Variants in KIAA0319L observed in about 807,000 individuals in gnomAD.
KIAA0319L encodes the protein KIAA0319 like.
Under a neutral mutation model 120.1 loss-of-function variants are expected in KIAA0319L, and 55 were observed. The ratio of observed to expected loss-of-function variants is 0.46; its 90% CI spans 0.37 to 0.57. The LOEUF (loss-of-function observed/expected upper bound fraction) is 0.57, where lower values mean the gene tolerates loss of function less well. KIAA0319L is among the 20% of genes least tolerant of loss of function. KIAA0319L has a pLI of 0.00. For missense variants in KIAA0319L, 1,049 were observed against 1,255.3 expected, an observed-to-expected ratio of 0.84 and a Z score of 2.48; for synonymous variants, 398 against 471.9, an observed-to-expected ratio of 0.84 and a Z score of 2.03.
intron 20 of KIAA0319L, chr1:35,439,034 A>C (rs1641008607): frequency 6.6e-6 from 1 of 152,090 alleles, no homozygotes; most frequent in South Asian, 2.1e-4. Flanking sequence ...ATGTAAACCA[A>C]ATCCCACCAT....
At chr1:35,504,856 A>C (rs1645151528) in intron 3 of KIAA0319L, among the ~76,000 whole-genome samples, 1 of 152,158 alleles carries the variant, frequency 6.6e-6, no homozygotes, top group Non-Finnish European at 1.5e-5. Flanking sequence ...CATACCTCTC[A>C]AGACTTCTCT....
chr1:35,537,399 T>A (rs1646618511), intron 2 of KIAA0319L, among the ~76,000 whole-genome samples: 1 of 151,234 alleles, frequency 6.6e-6, no homozygotes, highest in South Asian at 2.1e-4. Flanking sequence ...TTTTTTTTTT[T>A]TTTCTGGCTT....
At chr1:35,447,304 C>T (rs1474625930) in intron 16 of KIAA0319L, among the ~76,000 whole-genome samples, 1 of 150,804 alleles carries the variant, frequency 6.6e-6, no homozygotes, top group East Asian at 2.0e-4. Flanking sequence ...AAAAACTTCA[C>T]ACACATAAAA....
rs771054832 is a variant in KIAA0319L at position 35,444,329 on chromosome 1, T to A, written c.2514-26A>T. ...CTGCAGAGACATGCAACAGTACTAA[T>A]GAGCTGAAGCGGTCCATACCTGCAG... On this transcript the variant is annotated intron_variant, in intron 16 of 20. Transcript: ENST00000325722. 1.8e-5 allele frequency: 28 copies of A among 1,572,454 alleles called. No homozygotes were observed. In the Admixed American group the frequency reaches 3.8e-4, roughly 21 times the overall value.
intron 2 of KIAA0319L, among the ~76,000 whole-genome samples, chr1:35,513,811 CA>C (rs1488431037): frequency 6.6e-6 from 1 of 152,156 alleles, no homozygotes; most frequent in African/African-American, 2.4e-5. Context: ...AAATCTCTGA[CA>C]AACGTTTCCT....
Position 35,441,039 on chromosome 1 carries a change from G to A in KIAA0319L, c.2962+8C>T. 6.2e-7 allele frequency: 1 copy of A among 1,610,952 alleles called. No homozygotes were observed. The highest frequency in any genetic ancestry group is 8.5e-7 in the Non-Finnish European group (1 of 1,177,084). On this transcript the variant is annotated splice_region_variant and intron_variant, in intron 20 of 20. Transcript: ENST00000325722. ...AGACCTAGAAGCTCTGGCACCCAGG[G>A]CCCCTACCTGCTCGGGAGGTTGGCT...
At chr1:35,553,277 C>T (rs1647429147) in intron 2 of KIAA0319L, among the ~76,000 whole-genome samples, 1 of 151,108 alleles carries the variant, frequency 6.6e-6, no homozygotes, top group Admixed American at 6.6e-5. Flanking sequence ...AAATCAATTA[C>T]TTATTTAATT....
intron 3 of KIAA0319L, among the ~76,000 whole-genome samples, chr1:35,486,174 C>T (rs1054944892): frequency 1.6e-4 from 25 of 152,110 alleles, no homozygotes; most frequent in Admixed American, 6.5e-4. Flanking sequence ...CCTGAGCCCA[C>T]GAGTTTTTCA....
intron 1 of KIAA0319L, chr1:35,556,380 C>T (rs1279433955): frequency 6.6e-6 from 1 of 152,232 alleles, no homozygotes; most frequent in Non-Finnish European, 1.5e-5. Context: ...ACGTCTGAAA[C>T]AATCTATTCA....
chr1:35,465,416 C>A (rs1643186463), intron 7 of KIAA0319L, among the ~76,000 whole-genome samples: 1 of 152,116 alleles, frequency 6.6e-6, no homozygotes. Context: ...GGCCTGTAAC[C>A]CCTCTGTTTT....
intron 2 of KIAA0319L, among the ~76,000 whole-genome samples, chr1:35,534,585 C>A (rs957637033): frequency 6.6e-6 from 1 of 152,068 alleles, no homozygotes; most frequent in Non-Finnish European, 1.5e-5. Flanking sequence ...GGTGGCCGGG[C>A]GCAGTGGCTC....
At chr1:35,452,782 T>G (rs1314533492) in intron 12 of KIAA0319L, among the ~76,000 whole-genome samples, 1 of 152,196 alleles carries the variant, frequency 6.6e-6, no homozygotes, top group Non-Finnish European at 1.5e-5. Context: ...GTCATTTGTA[T>G]AGTCAAATTA....
At chr1:35,518,836 T>C (rs1459502338) in intron 2 of KIAA0319L, among the ~76,000 whole-genome samples, 2 of 152,024 alleles carry the variant, frequency 1.3e-5, no homozygotes, top group African/African-American at 4.8e-5. Flanking sequence ...AAACCTTGTC[T>C]CTACTAAAAA....
At position 35,434,890 on chromosome 1, in the gene KIAA0319L, G is replaced by A. The variant is rs762519844; in HGVS notation, c.*4C>T. 2 of 1,611,548 alleles carry A rather than the reference G, an allele frequency of 1.2e-6. No individual in the cohort carries two copies. The highest frequency in any genetic ancestry group is 1.7e-6 in the Non-Finnish European group (2 of 1,179,582). On this transcript the variant is annotated 3_prime_UTR_variant, in exon 21 of 21. Transcript: ENST00000325722. The stretch of plus-strand genomic sequence containing the variant: ...GCCCTGCCCTGAGGAGACAGACCAG[G>A]TGGCTACAGGATCTCCTCCCGCGGG...
At chr1:35,503,908 C>T (rs1302746511) in intron 3 of KIAA0319L, among the ~76,000 whole-genome samples, 1 of 144,934 alleles carries the variant, frequency 6.9e-6, no homozygotes, top group African/African-American at 2.6e-5. Flanking sequence ...TTTTTTGAGA[C>T]AGAGTCTTGC....
chr1:35,508,144 T>A (rs77957115), intron 2 of KIAA0319L, among the ~76,000 whole-genome samples: 2,891 of 152,214 alleles, frequency 0.019, 78 homozygotes, highest in African/African-American at 0.066. Flanking sequence ...GGCACAAAAT[T>A]TAAGGAGGTG....
chr1:35,484,674 T>C (rs367692674), intron 3 of KIAA0319L, among the ~76,000 whole-genome samples: 1 of 150,800 alleles, frequency 6.6e-6, no homozygotes, highest in East Asian at 1.9e-4. Context: ...TACTACAATA[T>C]TGACCAAATG....
At chr1:35,553,818 T>C (rs540066384) in intron 2 of KIAA0319L, among the ~76,000 whole-genome samples, 6 of 152,356 alleles carry the variant, frequency 3.9e-5, no homozygotes, top group Admixed American at 3.9e-4. Flanking sequence ...AAATAATCTC[T>C]AGGAGGAAAG....
At chr1:35,552,661 G>A (rs144951434) in intron 2 of KIAA0319L, among the ~76,000 whole-genome samples, 1 of 152,310 alleles carries the variant, frequency 6.6e-6, no homozygotes, top group East Asian at 1.9e-4. Flanking sequence ...AGGCATGGTG[G>A]TTGGTGTCTG....
Sources: allele counts gnomAD v4.1 joint callset (sites outside exome capture counted in the v4.1 genomes callset), GRCh38; gene constraint gnomAD v4.1.1; transcripts MANE v1.5; gene names NCBI Gene and HGNC (gene_info 2026-07-23, HGNC 2026-07-21).